The following ANKRD13A variants were observed in gnomAD, a reference collection of about 807,000 sequenced individuals.
The protein encoded by ANKRD13A is ankyrin repeat domain 13A.
A neutral mutation model predicts 81.3 loss-of-function variants in ANKRD13A; 48 were observed. The ratio of observed to expected loss-of-function variants is 0.59; its 90% CI spans 0.47 to 0.75. ANKRD13A has a LOEUF of 0.75. Ranked by LOEUF, ANKRD13A falls within the 30% of genes least tolerant of loss-of-function variation. The probability of loss-of-function intolerance (pLI) is 0.00; values close to 1 mark genes in which losing one functional copy is unlikely to be tolerated. For missense variants in ANKRD13A, 612 were observed against 734.0 expected (o/e 0.83, Z 1.92); for synonymous variants, 230 against 270.1 (o/e 0.85, Z 1.45).
rs1280659989 is a variant in ANKRD13A at position 110,039,195 on chromosome 12, A to G, written c.*1641A>G. 1 of 152,174 alleles carries G rather than the reference A, an allele frequency of 6.6e-6. No individual in the cohort carries two copies. The highest frequency in any genetic ancestry group is 1.5e-5 in the Non-Finnish European group (1 of 68,036). 9.4% of individuals were successfully genotyped at this position (152,174 alleles called of 1,614,324 possible). On this transcript the variant is annotated 3_prime_UTR_variant, in exon 15 of 15. Coordinates refer to ENST00000261739, the MANE Select transcript of ANKRD13A (RefSeq NM_033121.2). ...GTTTACTTTGCATTTACCGTGAGCA[A>G]AGATACTTCTTGGAATGGCTGCAGT... is the stretch of plus-strand genomic sequence containing the variant.
chr12:110,017,091 G>A (rs1890839214), intron 4 of ANKRD13A, among the ~76,000 whole-genome samples: 1 of 151,324 alleles, frequency 6.6e-6, no homozygotes, highest in Non-Finnish European at 1.5e-5. Flanking sequence ...TGTATTTTTA[G>A]TAGAGATGGG....
rs1891628159 is a variant in ANKRD13A, at chr12:110,030,637, T to C, written c.1235-8T>C. 1.9e-6 allele frequency: 3 copies of C among 1,555,516 alleles called. No homozygotes were observed. The African/African-American group carries it at 4.1e-5, about 21-fold the overall frequency. ...TTTACTTATAAAAGTTTTTATTTTG[T>C]TTGTTAGAAATTCCCTTGTTTCATG... On this transcript the variant is annotated splice_region_variant and splice_polypyrimidine_tract_variant and intron_variant, in intron 11 of 14. Transcript: ENST00000261739.
rs549003477 is a variant in ANKRD13A at position 110,033,749 on chromosome 12, G to A, written c.1349-48G>A. 87 of 1,467,182 alleles carry A rather than the reference G, an allele frequency of 5.9e-5. 1 individual carries two copies. The South Asian group carries it at 1.2e-3, about 21-fold the overall frequency. The allele number at this position is 1,467,182 out of a possible 1,614,324, so 90.9% of individuals were successfully genotyped here. Reference sequence around the variant, plus strand: ...TACAACATTTTTGCAAAAAGTTGGAGTGGAAATGTAATGAACTCAGACACT... The same window carrying A: ...TACAACATTTTTGCAAAAAGTTGGAATGGAAATGTAATGAACTCAGACACT... On this transcript the variant is annotated intron_variant, in intron 12 of 14. Transcript: ENST00000261739.
chr12:110,026,118 C>T (rs548987327), intron 8 of ANKRD13A, among the ~76,000 whole-genome samples: 62 of 152,004 alleles, frequency 4.1e-4, no homozygotes, highest in Non-Finnish European at 6.9e-4. Flanking sequence ...CCCACCACCA[C>T]GCCCGGCTAA....
At chr12:110,034,670 C>A (rs1891917860) in intron 13 of ANKRD13A, among the ~76,000 whole-genome samples, 1 of 152,186 alleles carries the variant, frequency 6.6e-6, no homozygotes, top group South Asian at 2.1e-4. Flanking sequence ...CAGTCCAAGG[C>A]TTGAGGTCCT....
chr12:110,035,981 G>A (rs962775053), intron 13 of ANKRD13A, among the ~76,000 whole-genome samples: 13 of 152,114 alleles, frequency 8.5e-5, no homozygotes, highest in Admixed American at 6.5e-4. Flanking sequence ...TTTGCTTTTC[G>A]TTGTGTATAT....
chr12:110,008,449 G>A (rs561895237), intron 1 of ANKRD13A, among the ~76,000 whole-genome samples: 55 of 152,256 alleles, frequency 3.6e-4, no homozygotes, highest in African/African-American at 1.3e-3. Context: ...AGATATTAGT[G>A]TGTGGTTTTC....
chr12:110,016,922 G>A (rs1471749392), intron 4 of ANKRD13A, among the ~76,000 whole-genome samples: 5 of 151,924 alleles, frequency 3.3e-5, no homozygotes, highest in African/African-American at 7.3e-5. Flanking sequence ...ACAGGTGCGC[G>A]CCACTGTGCC....
In ANKRD13A at chr12:110,039,258, T is replaced by G. The variant is rs1030181182; in HGVS notation, c.*1704T>G. 3 of 152,154 alleles carry G rather than the reference T, an allele frequency of 2.0e-5. No individual in the cohort carries two copies. The highest frequency in any genetic ancestry group is 2.9e-5 in the Non-Finnish European group (2 of 68,028). 9.4% of individuals were successfully genotyped at this position (152,154 alleles called of 1,614,324 possible). On this transcript the variant is annotated 3_prime_UTR_variant, in exon 15 of 15. Transcript: ENST00000261739. ...TTGGCTCACAAAAGTGACTCATAGGTAATTTCTGTGTTTGCATTCCACTGC... is the reference window on the plus strand; with the variant it reads ...TTGGCTCACAAAAGTGACTCATAGGGAATTTCTGTGTTTGCATTCCACTGC...
chr12:110,039,069 T>G lies in ANKRD13A; in HGVS notation c.*1515T>G, dbSNP rs550997673. The G allele has an allele frequency of 5.5e-5, 6 of 108,960 alleles. No homozygotes were observed. The highest frequency in any genetic ancestry group is 3.3e-4 in the Admixed American group (4 of 12,194). The allele number at this position is 108,960 out of a possible 1,614,324, so 6.7% of individuals were successfully genotyped here. A position where few individuals can be genotyped will look rare whatever the true frequency, so the allele number is the denominator to read the frequency against. On this transcript the variant is annotated 3_prime_UTR_variant, in exon 15 of 15. Coordinates refer to ENST00000261739, the MANE Select transcript of ANKRD13A (RefSeq NM_033121.2). ...TAATTCCATTTCACAATCTGTTTTG[T>G]TTTTTTTTTTTGTCATTGTCTGACC... is the stretch of plus-strand genomic sequence containing the variant.
At chr12:110,000,246 G>T (rs189665315) in intron 1 of ANKRD13A, among the ~76,000 whole-genome samples, 2 of 152,262 alleles carry the variant, frequency 1.3e-5, no homozygotes, top group Admixed American at 1.3e-4. Flanking sequence ...GTTCTAACTC[G>T]CCCTGTGACC....
intron 12 of ANKRD13A, 126 bp downstream of exon 12, chr12:110,030,884 C>T (rs370580517): frequency 6.4e-5 from 25 of 392,880 alleles, no homozygotes; most frequent in South Asian, 1.9e-4. Flanking sequence ...CACCTGAGGT[C>T]GGGAGTTTGA....
At chr12:110,024,228 G>A in intron 7 of ANKRD13A, 116 bp downstream of exon 7, 3 of 913,146 alleles carry the variant, frequency 3.3e-6, no homozygotes, top group Non-Finnish European at 5.0e-6. Context: ...TGGGGAATGA[G>A]AACTGTCTAA....
In ANKRD13A at chr12:110,030,742, G is replaced by T; in HGVS notation, c.1332G>T (p.Gly444=). ...AATCTGTATCTCAAAATGTGGAAGG[G>T]ACCCAGGCTGATTCAGGTAAAAAAA... ...AEESVSQNVE[G]TQADSASHIT... Residue 444 remains glycine (G), a synonymous_variant, in exon 12 of 15, where the codon GGG becomes GGT. Coordinates refer to ENST00000261739, the MANE Select transcript of ANKRD13A (RefSeq NM_033121.2). 1 of 1,592,524 alleles carries T rather than the reference G, an allele frequency of 6.3e-7. No individual in the cohort carries two copies. The highest frequency in any genetic ancestry group is 8.6e-7 in the Non-Finnish European group (1 of 1,169,540).
intron 13 of ANKRD13A, among the ~76,000 whole-genome samples, chr12:110,034,696 ACTC>A (rs1344997141): frequency 6.6e-6 from 1 of 150,498 alleles, no homozygotes. Context: ...CCTAACATCA[ACTC>A]CTTCCATCTC....
intron 2 of ANKRD13A, among the ~76,000 whole-genome samples, chr12:110,012,371 A>G (rs1035519601): frequency 2.0e-5 from 3 of 152,178 alleles, no homozygotes; most frequent in African/African-American, 7.2e-5. Context: ...TTCTCAAAAA[A>G]AAGGTCATTC....
At chr12:110,023,285 G>A (rs893697474) in intron 6 of ANKRD13A, among the ~76,000 whole-genome samples, 1 of 152,150 alleles carries the variant, frequency 6.6e-6, no homozygotes, top group Non-Finnish European at 1.5e-5. Context: ...GGCTGCTTTT[G>A]GTTCCTAAAT....
At chr12:110,009,502 G>A (rs538920862) in intron 1 of ANKRD13A, among the ~76,000 whole-genome samples, 53 of 152,066 alleles carry the variant, frequency 3.5e-4, no homozygotes, top group East Asian at 7.7e-4. Flanking sequence ...CTAAATGTTC[G>A]TCAATGTTGT....
In ANKRD13A at chr12:110,012,015, C is replaced by A. The variant is rs1890550326; in HGVS notation, c.107C>A (p.Ala36Asp). 1 of 1,607,942 alleles carries A rather than the reference C, an allele frequency of 6.2e-7. No individual in the cohort carries two copies. Among genetic ancestry groups the A allele is most frequent in the Non-Finnish European group, 8.5e-7 (1 of 1,174,916 alleles). ...EKELQGQNVE[A>D]VDPRGRTLLH... Reference sequence around the variant, plus strand: ...GTGTTTCCTTCACAGAATGTGGAGGCTGTGGACCCACGAGGTCGAACATTA... The same window carrying A: ...GTGTTTCCTTCACAGAATGTGGAGGATGTGGACCCACGAGGTCGAACATTA... Residue 36 changes from alanine (A) to aspartate (D), a missense_variant, in exon 2 of 15, where the codon GCT (alanine) becomes GAT (aspartate). By Grantham distance (126) the Ala-to-Asp change is moderately radical. Transcript: ENST00000261739.
Sources: gnomAD v4.1 joint callset for allele counts (sites outside exome capture counted in the v4.1 genomes callset) on GRCh38, gnomAD v4.1.1 for gene constraint, MANE v1.5 for transcripts, NCBI Gene and HGNC (gene_info 2026-07-23, HGNC 2026-07-21) for gene names.